Variants in DOK6 observed in about 807,000 individuals in gnomAD.
The protein encoded by DOK6 is downstream of tyrosine kinase 6.
A neutral mutation model predicts 44.0 loss-of-function variants in DOK6; 22 were observed. The observed-to-expected ratio is 0.50, with a 90% CI of 0.36 to 0.71. The LOEUF is 0.71. Among genes scored for constraint, DOK6 ranks in the 30% least tolerant of loss-of-function variants. The pLI is 0.00. For missense variants in DOK6, 340 were observed against 416.4 expected (o/e 0.82, Z 1.60); for synonymous variants, 166 against 145.5 (o/e 1.14, Z -1.01).
intron 1 of DOK6, among the ~76,000 whole-genome samples, chr18:69,550,335 A>G (rs911973510): frequency 5.3e-5 from 8 of 152,142 alleles, no homozygotes; most frequent in Non-Finnish European, 1.2e-4. Flanking sequence ...TCCAATACCA[A>G]ACAACTCTGG....
intron 1 of DOK6, among the ~76,000 whole-genome samples, chr18:69,482,629 A>G (rs1021300194): frequency 5.9e-5 from 9 of 152,056 alleles, no homozygotes; most frequent in Non-Finnish European, 1.3e-4. Flanking sequence ...AAACAAATTA[A>G]TATTTCATGC....
At chr18:69,443,302 A>G (rs747870143) in intron 1 of DOK6, among the ~76,000 whole-genome samples, 1 of 152,184 alleles carries the variant, frequency 6.6e-6, no homozygotes, top group Non-Finnish European at 1.5e-5. Context: ...AGGCAGATTC[A>G]AGAGATCTTG....
At chr18:69,498,664 A>T (rs569392332) in intron 1 of DOK6, among the ~76,000 whole-genome samples, 1 of 152,248 alleles carries the variant, frequency 6.6e-6, no homozygotes, top group African/African-American at 2.4e-5. Context: ...TTGGGGGGTA[A>T]ATTATAATTT....
At chr18:69,597,250 T>C (rs1983764003) in intron 2 of DOK6, among the ~76,000 whole-genome samples, 1 of 152,184 alleles carries the variant, frequency 6.6e-6, no homozygotes, top group South Asian at 2.1e-4. Context: ...ATATTTATGG[T>C]AAACCCTAGA....
intron 1 of DOK6, among the ~76,000 whole-genome samples, chr18:69,562,985 G>A (rs2144596746): frequency 6.6e-6 from 1 of 152,312 alleles, no homozygotes; most frequent in East Asian, 1.9e-4. Flanking sequence ...CAAAAAGTGG[G>A]CGAAGGATAT....
At chr18:69,710,258 AAACTT>A (rs1474545352) in intron 5 of DOK6, among the ~76,000 whole-genome samples, 1 of 152,210 alleles carries the variant, frequency 6.6e-6, no homozygotes, top group Non-Finnish European at 1.5e-5. Flanking sequence ...AGGTTTAACA[AAACTT>A]AAAGGGGAAA....
intron 2 of DOK6, among the ~76,000 whole-genome samples, chr18:69,564,808 G>C (rs566561550): frequency 1.3e-4 from 20 of 152,148 alleles, no homozygotes; most frequent in Admixed American, 5.9e-4. Flanking sequence ...CATTTTTATT[G>C]CTACTTTGCA....
At chr18:69,702,626 A>G (rs537878808) in intron 5 of DOK6, among the ~76,000 whole-genome samples, 44 of 152,334 alleles carry the variant, frequency 2.9e-4, no homozygotes, top group African/African-American at 1.0e-3. Context: ...CTGTTGAATG[A>G]AGGAATTAAT....
chr18:69,466,044 T>G (rs1979916806), intron 1 of DOK6, among the ~76,000 whole-genome samples: 1 of 152,200 alleles, frequency 6.6e-6, no homozygotes, highest in Non-Finnish European at 1.5e-5. Flanking sequence ...AGATCCACAG[T>G]TTTAGCATTT....
intron 7 of DOK6, among the ~76,000 whole-genome samples, chr18:69,797,003 T>C (rs1779423728): frequency 6.6e-6 from 1 of 152,302 alleles, no homozygotes; most frequent in South Asian, 2.1e-4. Flanking sequence ...GTGATAACTC[T>C]TTCTGGAAAT....
chr18:69,608,460 T>C (rs1568309863), intron 3 of DOK6, among the ~76,000 whole-genome samples: 1 of 152,208 alleles, frequency 6.6e-6, no homozygotes, highest in Admixed American at 6.5e-5. Context: ...TTTATTCCTG[T>C]TTCTCAAGAT....
rs1386553963 is a variant in DOK6, at chr18:69,841,705, G to C, written c.*322G>C. On this transcript the variant is annotated 3_prime_UTR_variant, in exon 8 of 8. Coordinates refer to ENST00000382713, the MANE Select transcript of DOK6 (RefSeq NM_152721.6). The stretch of plus-strand genomic sequence containing the variant: ...GCACTGGGAAAAGTTGCCCACACTG[G>C]GGTATGCCTGGGTGATGGGCACCTC... 1.6e-5 allele frequency: 4 copies of C among 256,662 alleles called. No homozygotes were observed. Among genetic ancestry groups the C allele is most frequent in the Non-Finnish European group, 3.1e-5 (4 of 129,254 alleles). The allele number at this position is 256,662 out of a possible 1,614,324, so 15.9% of individuals were successfully genotyped here. A position where few individuals can be genotyped will look rare whatever the true frequency, so the allele number is the denominator to read the frequency against.
At chr18:69,597,347 G>A (rs1983765892) in intron 2 of DOK6, among the ~76,000 whole-genome samples, 1 of 152,086 alleles carries the variant, frequency 6.6e-6, no homozygotes, top group Non-Finnish European at 1.5e-5. Flanking sequence ...TGCAAATCAT[G>A]AATGAATTAA....
At chr18:69,555,825 A>C (rs1187450940) in intron 1 of DOK6, among the ~76,000 whole-genome samples, 1 of 152,220 alleles carries the variant, frequency 6.6e-6, no homozygotes, top group Non-Finnish European at 1.5e-5. Flanking sequence ...AATTTGATAA[A>C]TATTTTTGCT....
At chr18:69,808,641 G>A (rs541070333) in intron 7 of DOK6, among the ~76,000 whole-genome samples, 27 of 151,810 alleles carry the variant, frequency 1.8e-4, no homozygotes, top group African/African-American at 5.8e-4. Flanking sequence ...GCAAAGGATC[G>A]TAAGACACTG....
At chr18:69,586,441 C>T (rs1475569577) in intron 2 of DOK6, among the ~76,000 whole-genome samples, 2 of 152,116 alleles carry the variant, frequency 1.3e-5, no homozygotes, top group Non-Finnish European at 2.9e-5. Flanking sequence ...CTCTTTTGTT[C>T]CCTGTTAATG....
intron 1 of DOK6, among the ~76,000 whole-genome samples, chr18:69,421,773 CA>C (rs926810325): frequency 3.3e-5 from 5 of 152,076 alleles, no homozygotes; most frequent in African/African-American, 1.2e-4. Context: ...ATTCATTGGA[CA>C]AAATTGTGTG....
intron 2 of DOK6, among the ~76,000 whole-genome samples, chr18:69,572,967 T>G (rs1983150895): frequency 1.3e-5 from 2 of 151,298 alleles, no homozygotes; most frequent in African/African-American, 4.9e-5. Context: ...AGCCACGACA[T>G]GTAGCAGGTA....
chr18:69,743,750 T>A (rs114810548), intron 6 of DOK6, among the ~76,000 whole-genome samples: 1,524 of 151,924 alleles, frequency 0.01, 21 homozygotes, highest in African/African-American at 0.035. Context: ...ATTTCCAATC[T>A]TCTAACATTG....
Sources: allele counts gnomAD v4.1 joint callset (sites outside exome capture counted in the v4.1 genomes callset), GRCh38; gene constraint gnomAD v4.1.1; transcripts MANE v1.5; gene names NCBI Gene and HGNC (gene_info 2026-07-23, HGNC 2026-07-21).